CDH18: variants seen among roughly 807,000 people sequenced by gnomAD.
The protein encoded by CDH18 is cadherin 18.
CDH18 carries 31 observed loss-of-function variants against 67.9 expected under a neutral mutation model. The ratio of observed to expected loss-of-function variants is 0.46; its 90% confidence interval spans 0.34 to 0.62. The LOEUF (loss-of-function observed/expected upper bound fraction) is 0.62, where lower values mean the gene tolerates loss of function less well. Ranked by LOEUF, CDH18 falls within the 20% of genes least tolerant of loss-of-function variation. The pLI is 0.01. For missense variants in CDH18, 890 were observed against 975.5 expected (o/e 0.91, Z 1.17); for synonymous variants, 362 against 347.2 (o/e 1.04, Z -0.48).
intron 5 of CDH18, among the ~76,000 whole-genome samples, chr5:19,669,414 G>T (rs150961501): frequency 0.042 from 6,292 of 151,380 alleles, 386 homozygotes; most frequent in African/African-American, 0.14. Flanking sequence ...TGCCTCAGCC[G>T]CCTGAGTAGC....
chr5:19,533,650 C>T (rs545125400), intron 9 of CDH18, among the ~76,000 whole-genome samples: 1 of 152,166 alleles, frequency 6.6e-6, no homozygotes, highest in African/African-American at 2.4e-5. Flanking sequence ...ATAGAAAGAG[C>T]ATTGTCTCAC....
intron 2 of CDH18, among the ~76,000 whole-genome samples, chr5:19,874,860 A>G (rs1403530235): frequency 6.6e-6 from 1 of 152,154 alleles, no homozygotes; most frequent in Non-Finnish European, 1.5e-5. Flanking sequence ...TCTGGTTGCA[A>G]TTTAGAAAAA....
At chr5:19,637,151 T>C (rs1207858452) in intron 5 of CDH18, among the ~76,000 whole-genome samples, 2 of 149,606 alleles carry the variant, frequency 1.3e-5, no homozygotes, top group Admixed American at 6.6e-5. Context: ...TCTTTCTTTC[T>C]TTTTCTTTCT....
chr5:20,335,738 A>G (rs1367176011), intron 1 of CDH18, among the ~76,000 whole-genome samples: 1 of 151,742 alleles, frequency 6.6e-6, no homozygotes, highest in African/African-American at 2.4e-5. Context: ...TGTCTGAAAC[A>G]TAGTAGAATC....
chr5:20,114,343 C>T (rs898092650), intron 2 of CDH18, among the ~76,000 whole-genome samples: 2 of 152,018 alleles, frequency 1.3e-5, no homozygotes, highest in Non-Finnish European at 2.9e-5. Flanking sequence ...AAAAAGTGAA[C>T]ATAGACTAAG....
intron 2 of CDH18, among the ~76,000 whole-genome samples, chr5:19,880,808 G>C (rs1439342871): frequency 1.3e-5 from 2 of 152,116 alleles, no homozygotes; most frequent in Non-Finnish European, 2.9e-5. Context: ...TGCTCATAGA[G>C]AAACACTAAA....
chr5:20,506,896 G>A (rs1234988640), intron 1 of CDH18, among the ~76,000 whole-genome samples: 1 of 152,110 alleles, frequency 6.6e-6, no homozygotes, highest in Non-Finnish European at 1.5e-5. Flanking sequence ...GTGTGTGACT[G>A]CTTAAAGTAA....
At chr5:19,919,673 T>C (rs2150162173) in intron 2 of CDH18, among the ~76,000 whole-genome samples, 1 of 152,328 alleles carries the variant, frequency 6.6e-6, no homozygotes, top group Middle Eastern at 3.4e-3. Flanking sequence ...ACTTATACTA[T>C]TTAATATTTT....
chr5:19,574,770 C>T (rs556197902), intron 7 of CDH18, among the ~76,000 whole-genome samples: 4 of 151,762 alleles, frequency 2.6e-5, no homozygotes, highest in South Asian at 2.1e-4. Flanking sequence ...AGGTGAGGCA[C>T]GGTGCCTCAT....
chr5:20,188,164 C>A (rs1738248951), intron 2 of CDH18, among the ~76,000 whole-genome samples: 1 of 151,814 alleles, frequency 6.6e-6, no homozygotes, highest in African/African-American at 2.4e-5. Context: ...ATCATATATA[C>A]AATTTTTTAA....
intron 3 of CDH18, among the ~76,000 whole-genome samples, chr5:19,781,432 C>A (rs763635343): frequency 1.3e-5 from 2 of 151,988 alleles, no homozygotes; most frequent in Non-Finnish European, 1.5e-5. Flanking sequence ...CAAGTGTACT[C>A]CTTGAAAGAT....
At chr5:19,759,405 C>T (rs1772043840) in intron 3 of CDH18, among the ~76,000 whole-genome samples, 1 of 152,170 alleles carries the variant, frequency 6.6e-6, no homozygotes, top group South Asian at 2.1e-4. Flanking sequence ...TTCCATTTGG[C>T]CTTTCCCACC....
rs140477869 is a variant in CDH18, at chr5:20,373,938, A to T, written c.-579-118433T>A. Among the ~76,000 whole-genome samples, 885 of 152,306 alleles carry T rather than the reference A, an allele frequency of 5.8e-3. 5 individuals are homozygous for T. The highest frequency in any genetic ancestry group is 0.02 in the Middle Eastern group (6 of 294). The stretch of plus-strand genomic sequence containing the variant: ...ATTCAGTTTAAACCAGATAAAGTAC[A>T]TGTATATAAGTGATTACTGAATTTG... On this transcript the variant is annotated intron_variant, in intron 1 of 14. Transcript: ENST00000507958.
intron 2 of CDH18, among the ~76,000 whole-genome samples, chr5:20,102,487 G>A (rs960220078): frequency 6.6e-6 from 1 of 152,202 alleles, no homozygotes; most frequent in African/African-American, 2.4e-5. Flanking sequence ...TAGGTTGGAT[G>A]AAGCGGTGCT....
chr5:19,989,411 G>A (rs528766461), upstream of CDH18, among the ~76,000 whole-genome samples: 8 of 152,292 alleles, frequency 5.3e-5, no homozygotes, highest in Admixed American at 1.3e-4. Flanking sequence ...GCAAGAAGAC[G>A]TGGATTCAAA....
intron 2 of CDH18, among the ~76,000 whole-genome samples, chr5:20,248,640 CA>C (rs1743569099): frequency 1.3e-5 from 2 of 152,192 alleles, no homozygotes; most frequent in Non-Finnish European, 2.9e-5. Context: ...TCAAACCAAA[CA>C]AAAATAAGTC....
At chr5:20,401,850 C>T (rs1226646582) in intron 1 of CDH18, among the ~76,000 whole-genome samples, 1 of 152,088 alleles carries the variant, frequency 6.6e-6, no homozygotes, top group African/African-American at 2.4e-5. Context: ...TTCATATTGA[C>T]CAGAGTGTTA....
intron 2 of CDH18, among the ~76,000 whole-genome samples, chr5:20,228,654 A>G (rs1458112203): frequency 5.9e-5 from 9 of 151,982 alleles, no homozygotes; most frequent in African/African-American, 1.9e-4. Context: ...CACCATTCTA[A>G]TCTTGCCTTT....
intron 8 of CDH18, among the ~76,000 whole-genome samples, chr5:19,550,500 A>C (rs1166598189): frequency 6.6e-6 from 1 of 151,260 alleles, no homozygotes; most frequent in Non-Finnish European, 1.5e-5. Context: ...ACCTATGAGT[A>C]AGAACATGCG....
Sources: gnomAD v4.1 joint callset for allele counts (sites outside exome capture counted in the v4.1 genomes callset) on GRCh38, gnomAD v4.1.1 for gene constraint, MANE v1.5 for transcripts, NCBI Gene and HGNC (gene_info 2026-07-23, HGNC 2026-07-21) for gene names.